RAB3GAP2: variants seen among roughly 807,000 people sequenced by gnomAD.
RAB3GAP2 encodes RAB3 GTPase activating non-catalytic protein subunit 2.
Under a neutral mutation model 185.3 loss-of-function variants are expected in RAB3GAP2, and 87 were observed. That is an observed-to-expected ratio of 0.47 (90% CI 0.39 to 0.56). RAB3GAP2 has a LOEUF of 0.56. Ranked by LOEUF, RAB3GAP2 falls within the 20% of genes least tolerant of loss-of-function variation. RAB3GAP2 has a pLI of 0.00. For synonymous variants in RAB3GAP2, 554 were observed against 576.1 expected (o/e 0.96, Z 0.55); for missense variants, 1,492 against 1,638.2 (o/e 0.91, Z 1.54).
At chr1:220,223,762 G>T (rs574963248) in intron 2 of RAB3GAP2, among the ~76,000 whole-genome samples, 34 of 151,496 alleles carry the variant, frequency 2.2e-4, no homozygotes, top group African/African-American at 8.0e-4. Flanking sequence ...TTTTATTTCT[G>T]TAAACAACAA....
intron 21 of RAB3GAP2, among the ~76,000 whole-genome samples, chr1:220,174,165 C>T (rs1218912958): frequency 6.6e-6 from 1 of 152,038 alleles, no homozygotes. Flanking sequence ...TCTTCTCCCC[C>T]TTTAAAAATG....
intron 21 of RAB3GAP2, among the ~76,000 whole-genome samples, chr1:220,180,300 A>C (rs1188106372): frequency 4.6e-5 from 7 of 152,150 alleles, no homozygotes. Context: ...AATAAAGATC[A>C]AGCAGAAATA....
chr1:220,187,533 T>G (rs1452908181), intron 17 of RAB3GAP2, among the ~76,000 whole-genome samples: 1 of 152,146 alleles, frequency 6.6e-6, no homozygotes, highest in East Asian at 1.9e-4. Context: ...ACCCCTGACC[T>G]CTGGGGAGCC....
At chr1:220,241,821 T>C (rs1395205940) in intron 1 of RAB3GAP2, among the ~76,000 whole-genome samples, 1 of 152,028 alleles carries the variant, frequency 6.6e-6, no homozygotes, top group African/African-American at 2.4e-5. Flanking sequence ...TGTACATGTC[T>C]ATTATAATTC....
chr1:220,167,214 T>C, intron 26 of RAB3GAP2, 79 bp downstream of exon 26: 1 of 1,276,422 alleles, frequency 7.8e-7, no homozygotes, highest in Admixed American at 1.8e-5. Flanking sequence ...TAATAAGCTA[T>C]TTAATTAGAC....
At chr1:220,173,972 A>G (rs1428775581) in intron 21 of RAB3GAP2, among the ~76,000 whole-genome samples, 5 of 149,424 alleles carry the variant, frequency 3.3e-5, no homozygotes, top group Non-Finnish European at 7.4e-5. Context: ...GTGAGCTGAG[A>G]TCATGCCACT....
chr1:220,165,287 T>C (rs1658043271), intron 26 of RAB3GAP2, among the ~76,000 whole-genome samples: 1 of 150,644 alleles, frequency 6.6e-6, no homozygotes, highest in Non-Finnish European at 1.5e-5. Context: ...ACCTATATAA[T>C]AAACATGATA....
chr1:220,241,497 C>A (rs1056863487), intron 1 of RAB3GAP2, among the ~76,000 whole-genome samples: 1 of 152,058 alleles, frequency 6.6e-6, no homozygotes, highest in East Asian at 1.9e-4. Flanking sequence ...AGAACCTCTA[C>A]AACCTATGAC....
At position 220,190,135 on chromosome 1, in the gene RAB3GAP2, C is replaced by T; in HGVS notation, c.1643G>A (p.Ser548Asn). The T allele has an allele frequency of 6.2e-7, 1 of 1,612,396 alleles. No individual in the cohort carries two copies. The highest frequency in any genetic ancestry group is 8.5e-7 in the Non-Finnish European group (1 of 1,178,584). The change falls in exon 16 of 35, where the codon AGT becomes AAT. Residue 548 changes from serine to asparagine, a missense_variant. Ser to Asn is a conservative substitution (Grantham distance 46). This residue lies in a region of RAB3GAP2 where 681 missense variants were observed against 689.1 expected (regional missense o/e 0.99). Coordinates refer to ENST00000358951, the MANE Select transcript of RAB3GAP2 (RefSeq NM_012414.4). ...PFHLALSDKK[S>N]ERAKDMHLVK... ...TAGGTGCATATCCTTGGCTCGTTCA[C>T]TCTTCTTATCACTAAACCAATAAAT...
intron 2 of RAB3GAP2, among the ~76,000 whole-genome samples, chr1:220,225,440 G>A (rs1659386737): frequency 6.6e-6 from 1 of 152,120 alleles, no homozygotes; most frequent in Non-Finnish European, 1.5e-5. Context: ...CAATATCAGC[G>A]CTATTGACAT....
intron 17 of RAB3GAP2, 101 bp downstream of exon 17, chr1:220,189,602 T>C: frequency 3.4e-6 from 4 of 1,185,046 alleles, no homozygotes; most frequent in Non-Finnish European, 4.6e-6. Flanking sequence ...AAAAGAAGAC[T>C]TCAGCCTCTC....
At chr1:220,253,610 G>T in intron 1 of RAB3GAP2, 4 of 1,577,826 alleles carry the variant, frequency 2.5e-6, no homozygotes, top group Non-Finnish European at 2.6e-6. Flanking sequence ...TTCCAGGAGG[G>T]TGAGCGAGTG....
At position 220,223,040 on chromosome 1, in the gene RAB3GAP2, T is replaced by G. The variant is rs369916341; in HGVS notation, c.181-9061A>C. 3.2e-3 allele frequency among the ~76,000 whole-genome samples: 480 copies of G among 152,320 alleles called. 2 individuals are homozygous for G. The highest frequency in any genetic ancestry group is 0.011 in the African/African-American group (445 of 41,568). On this transcript the variant is annotated intron_variant, in intron 2 of 34. Transcript: ENST00000358951. Reference sequence around the variant, plus strand: ...TTGCCTGAACAACTGTTTATTTGCTTTGTTTTGTTTTTGTTTTTTTGAGTC... The same window carrying G: ...TTGCCTGAACAACTGTTTATTTGCTGTGTTTTGTTTTTGTTTTTTTGAGTC...
chr1:220,152,725 A>AT (rs1237934852), intron 33 of RAB3GAP2, among the ~76,000 whole-genome samples: 2 of 151,910 alleles, frequency 1.3e-5, no homozygotes, highest in African/African-American at 2.4e-5. Flanking sequence ...AAAAATAAAT[A>AT]TTTTTTTCCT....
chr1:220,153,863 G>C, intron 32 of RAB3GAP2, 105 bp downstream of exon 32: 1 of 1,493,036 alleles, frequency 6.7e-7, no homozygotes, highest in Non-Finnish European at 9.1e-7. Context: ...TTGGTTTTCT[G>C]TCCTTGCGAT....
At chr1:220,204,811 C>A (rs1658931182) in intron 8 of RAB3GAP2, among the ~76,000 whole-genome samples, 1 of 144,672 alleles carries the variant, frequency 6.9e-6, no homozygotes, top group South Asian at 2.2e-4. Flanking sequence ...TGTTCAATTC[C>A]CACCTATGAG....
chr1:220,172,159 T>C (rs1558143833), intron 22 of RAB3GAP2, 110 bp from the exon 23 acceptor site: 1 of 1,080,888 alleles, frequency 9.3e-7, no homozygotes, highest in Non-Finnish European at 1.4e-6. Context: ...TGATGTGTTT[T>C]TGTATTTCTC....
In RAB3GAP2 at chr1:220,184,227, C is replaced by T. The variant is rs1658469558; in HGVS notation, c.1871-64G>A. 6 of 1,439,370 alleles carry T rather than the reference C, an allele frequency of 4.2e-6. No homozygotes were observed. The Admixed American group carries it at 8.5e-5, about 20-fold the overall frequency. The allele number at this position is 1,439,370 out of a possible 1,614,324, so 89.2% of individuals were successfully genotyped here. On this transcript the variant is annotated intron_variant, in intron 18 of 34. Coordinates refer to ENST00000358951, the MANE Select transcript of RAB3GAP2 (RefSeq NM_012414.4). The stretch of plus-strand genomic sequence containing the variant: ...TTAACAGACTCATAAACAGGCTTTG[C>T]TTTCATTAAATCTCTCAATATTATG...
chr1:220,185,762 A>C, intron 17 of RAB3GAP2, 21 bp from the exon 18 acceptor site: 2 of 1,569,622 alleles, frequency 1.3e-6, no homozygotes, highest in Non-Finnish European at 1.8e-6. Flanking sequence ...GATATTGAAC[A>C]GTTCTAGTAA....
Sources: gnomAD v4.1 joint callset for allele counts (sites outside exome capture counted in the v4.1 genomes callset) on GRCh38, gnomAD v4.1.1 for gene constraint, gnomAD v4.1.1 regional missense constraint, MANE v1.5 for transcripts, NCBI Gene and HGNC (gene_info 2026-07-23, HGNC 2026-07-21) for gene names.